ZC2HC1A: variants seen among roughly 807,000 people sequenced by gnomAD.
ZC2HC1A encodes zinc finger C2HC domain-containing protein 1A.
Under a neutral mutation model 40.7 loss-of-function variants are expected in ZC2HC1A, and 28 were observed. That is an observed-to-expected ratio of 0.69 (90% CI 0.51 to 0.94). ZC2HC1A has a LOEUF of 0.94. Among genes scored for constraint, ZC2HC1A ranks in the 40% least tolerant of loss-of-function variants. ZC2HC1A has a pLI of 0.00. For synonymous variants in ZC2HC1A, 129 were observed against 129.2 expected (o/e 1.00, Z 0.01); for missense variants, 389 against 386.3 (o/e 1.01, Z -0.06).
chr8:78,668,650 T>G (rs1453644954), intron 1 of ZC2HC1A, among the ~76,000 whole-genome samples: 2 of 152,218 alleles, frequency 1.3e-5, no homozygotes, highest in African/African-American at 4.8e-5. Flanking sequence ...CACTATACTT[T>G]GAAATGAAAT....
chr8:78,710,900 A>G (rs1309432172), intron 7 of ZC2HC1A, among the ~76,000 whole-genome samples: 1 of 152,132 alleles, frequency 6.6e-6, no homozygotes, highest in African/African-American at 2.4e-5. Context: ...AGCTACTGAA[A>G]GAAGACAAAA....
At chr8:78,673,615 G>A (rs992713467) in intron 1 of ZC2HC1A, among the ~76,000 whole-genome samples, 3 of 152,104 alleles carry the variant, frequency 2.0e-5, no homozygotes, top group Non-Finnish European at 4.4e-5. Context: ...ATTCTAACTG[G>A]CGTGAGATGG....
chr8:78,677,863 TAGAC>T (rs1367097455), intron 2 of ZC2HC1A, among the ~76,000 whole-genome samples: 2 of 152,304 alleles, frequency 1.3e-5, no homozygotes, highest in African/African-American at 2.4e-5. Context: ...GGGTACTCCA[TAGAC>T]AGAGCAGCCC....
intron 5 of ZC2HC1A, among the ~76,000 whole-genome samples, chr8:78,697,202 G>A (rs1287862739): frequency 2.0e-5 from 3 of 151,994 alleles, no homozygotes; most frequent in East Asian, 3.9e-4. Flanking sequence ...CATCTTAATC[G>A]TTTTTAAGAA....
At position 78,692,732 on chromosome 8, in the gene ZC2HC1A, T is replaced by A. The variant is rs191381028; in HGVS notation, c.504+3359T>A. ...CCAACATTGAGCTTCTAATTTGTTTTTTTTATTATTAGTAGTATACTTTAG... is the reference window on the plus strand; with the variant it reads ...CCAACATTGAGCTTCTAATTTGTTTATTTTATTATTAGTAGTATACTTTAG... On this transcript the variant is annotated intron_variant, in intron 5 of 8. Coordinates refer to ENST00000263849, the MANE Select transcript of ZC2HC1A (RefSeq NM_016010.3). Among the ~76,000 whole-genome samples the A allele has an allele frequency of 1.1e-4, 17 of 152,244 alleles. No homozygotes were observed. The East Asian group carries it at 3.3e-3, about 29-fold the overall frequency.
intron 1 of ZC2HC1A, among the ~76,000 whole-genome samples, chr8:78,668,039 G>A (rs1297087348): frequency 6.6e-6 from 1 of 151,796 alleles, no homozygotes; most frequent in Non-Finnish European, 1.5e-5. Flanking sequence ...AATATGTGAA[G>A]TTGCCCTAAA....
chr8:78,707,565 A>G (rs1810813008), intron 7 of ZC2HC1A, among the ~76,000 whole-genome samples: 1 of 152,226 alleles, frequency 6.6e-6, no homozygotes, highest in African/African-American at 2.4e-5. Context: ...GATTTTGAGT[A>G]CAATAATTTT....
At chr8:78,697,658 C>A in intron 6 of ZC2HC1A, 152 bp downstream of exon 6, 3 of 559,720 alleles carry the variant, frequency 5.4e-6, no homozygotes, top group Non-Finnish European at 8.9e-6. Flanking sequence ...AATAAGATAA[C>A]TTTGAGTAGT....
At chr8:78,674,233 T>C (rs1809510880) in intron 1 of ZC2HC1A, among the ~76,000 whole-genome samples, 1 of 152,176 alleles carries the variant, frequency 6.6e-6, no homozygotes. Flanking sequence ...TTTTTGTCAA[T>C]AGTTAATTTT....
At chr8:78,692,805 A>G (rs765536835) in intron 5 of ZC2HC1A, among the ~76,000 whole-genome samples, 3 of 152,158 alleles carry the variant, frequency 2.0e-5, no homozygotes, top group Non-Finnish European at 4.4e-5. Context: ...ATACGTGTAC[A>G]TATGCCATGT....
At chr8:78,690,137 G>A (rs1810159242) in intron 5 of ZC2HC1A, among the ~76,000 whole-genome samples, 1 of 152,166 alleles carries the variant, frequency 6.6e-6, no homozygotes, top group African/African-American at 2.4e-5. Context: ...TTCAGGACAT[G>A]CTGTTCTGTT....
At position 78,679,068 on chromosome 8, in the gene ZC2HC1A, G is replaced by T. The variant is rs1225869410; in HGVS notation, c.210+389G>T. On this transcript the variant is annotated intron_variant, in intron 3 of 8. Coordinates refer to ENST00000263849, the MANE Select transcript of ZC2HC1A (RefSeq NM_016010.3). ...TTATGATAATCTCTACATCCAAAAA[G>T]TTAAGCCATTATTTACAGACATTTT... 5.2e-5 allele frequency: 8 copies of T among 152,952 alleles called. No homozygotes were observed. In the Admixed American group the frequency reaches 5.2e-4, roughly 10 times the overall value. The allele number at this position is 152,952 out of a possible 1,614,324, so 9.5% of individuals were successfully genotyped here. A position where few individuals can be genotyped will look rare whatever the true frequency, so the allele number is the denominator to read the frequency against.
intron 2 of ZC2HC1A, among the ~76,000 whole-genome samples, chr8:78,677,759 A>G (rs769303730): frequency 7.9e-5 from 12 of 152,124 alleles, no homozygotes; most frequent in Non-Finnish European, 1.6e-4. Context: ...ACACTAAGAG[A>G]GAGTTTTTGG....
At chr8:78,707,320 G>A (rs1810803861) in intron 7 of ZC2HC1A, among the ~76,000 whole-genome samples, 1 of 152,218 alleles carries the variant, frequency 6.6e-6, no homozygotes, top group Non-Finnish European at 1.5e-5. Context: ...GATAGGACGT[G>A]TAAAGCTGGC....
intron 1 of ZC2HC1A, among the ~76,000 whole-genome samples, chr8:78,670,519 C>A (rs947927013): frequency 6.6e-6 from 1 of 152,082 alleles, no homozygotes; most frequent in Non-Finnish European, 1.5e-5. Context: ...TAAGAGAACC[C>A]ATTTAACTTA....
chr8:78,710,707 A>G lies in ZC2HC1A; in HGVS notation c.705-4514A>G, dbSNP rs183954798. On this transcript the variant is annotated intron_variant, in intron 7 of 8. Transcript: ENST00000263849. ...TAAAATCTGAATGTTTAAAATTCCA[A>G]TAGATGGGTTTCTTTGTACTTTAAC... 4.6e-5 allele frequency among the ~76,000 whole-genome samples: 7 copies of G among 152,232 alleles called. No individual in the cohort carries two copies. The Middle Eastern group carries it at 0.01, about 222-fold the overall frequency.
intron 2 of ZC2HC1A, among the ~76,000 whole-genome samples, chr8:78,677,503 G>T (rs1368977621): frequency 6.6e-6 from 1 of 152,104 alleles, no homozygotes; most frequent in African/African-American, 2.4e-5. Context: ...CTATTATTTT[G>T]TGTTAACTTT....
At chr8:78,695,495 T>G (rs1402919300) in intron 5 of ZC2HC1A, among the ~76,000 whole-genome samples, 1 of 152,210 alleles carries the variant, frequency 6.6e-6, no homozygotes, top group African/African-American at 2.4e-5. Context: ...TGCTCTTTTT[T>G]GATTGTACAG....
At chr8:78,710,047 C>G (rs1810905089) in intron 7 of ZC2HC1A, among the ~76,000 whole-genome samples, 1 of 152,044 alleles carries the variant, frequency 6.6e-6, no homozygotes. Context: ...ATGACTTTTC[C>G]TATGTTAAAG....
Sources: allele counts gnomAD v4.1 joint callset (sites outside exome capture counted in the v4.1 genomes callset), GRCh38; gene constraint gnomAD v4.1.1; transcripts MANE v1.5; gene names NCBI Gene and HGNC (gene_info 2026-07-23, HGNC 2026-07-21).